Variants in CLEC6A observed in about 807,000 individuals in gnomAD.
CLEC6A encodes the protein C-type lectin domain containing 6A.
A neutral mutation model predicts 25.7 loss-of-function variants in CLEC6A; 22 were observed. The ratio of observed to expected loss-of-function variants is 0.85; its 90% CI spans 0.61 to 1.22. The LOEUF (loss-of-function observed/expected upper bound fraction) is 1.22. Among genes scored for constraint, CLEC6A ranks in the 50% most tolerant of loss-of-function variants. The pLI is 0.00. For missense variants in CLEC6A, 240 were observed against 236.8 expected (o/e 1.01, Z -0.09); for synonymous variants, 92 against 76.7 (o/e 1.20, Z -1.04).
intron 4 of CLEC6A, among the ~76,000 whole-genome samples, chr12:8,468,992 T>C (rs1443465384): frequency 6.6e-6 from 1 of 152,086 alleles, no homozygotes; most frequent in Non-Finnish European, 1.5e-5. Flanking sequence ...AATAAGGAAG[T>C]TGAACAATTG....
At chr12:8,471,128 C>T (rs1939901069) in intron 4 of CLEC6A, among the ~76,000 whole-genome samples, 1 of 151,896 alleles carries the variant, frequency 6.6e-6, no homozygotes, top group African/African-American at 2.4e-5. Flanking sequence ...TTTTTACATT[C>T]CAGAAATAAA....
intron 3 of CLEC6A, chr12:8,460,835 G>A (rs1391231379): frequency 1.0e-5 from 10 of 1,003,592 alleles, no homozygotes; most frequent in East Asian, 4.7e-5. Flanking sequence ...GGCCAAAAAC[G>A]CCCAGTTCCT....
intron 3 of CLEC6A, among the ~76,000 whole-genome samples, chr12:8,462,760 C>T (rs1591706864): frequency 6.6e-6 from 1 of 151,986 alleles, no homozygotes; most frequent in African/African-American, 2.4e-5. Flanking sequence ...TGGCGGGATC[C>T]TCCATATGCT....
At chr12:8,466,276 T>G (rs768100424) in intron 4 of CLEC6A, among the ~76,000 whole-genome samples, 5 of 152,248 alleles carry the variant, frequency 3.3e-5, no homozygotes, top group Admixed American at 6.5e-5. Flanking sequence ...ACATTTCCAT[T>G]CATTTACTTG....
chr12:8,470,703 T>G (rs939231397), intron 4 of CLEC6A, among the ~76,000 whole-genome samples: 118 of 152,148 alleles, frequency 7.8e-4, no homozygotes, highest in Non-Finnish European at 1.4e-3. Flanking sequence ...GCTATGAGGA[T>G]GCAAAGGCAT....
intron 4 of CLEC6A, among the ~76,000 whole-genome samples, chr12:8,475,344 A>ATGTG (rs59891632): frequency 1.0e-4 from 15 of 148,980 alleles, no homozygotes; most frequent in Admixed American, 6.7e-4. Context: ...ATATATATGT[A>ATGTG]TGTGTGTGTG....
intron 4 of CLEC6A, among the ~76,000 whole-genome samples, chr12:8,470,331 G>T (rs989518986): frequency 2.6e-5 from 4 of 152,116 alleles, no homozygotes; most frequent in African/African-American, 9.7e-5. Flanking sequence ...TTTACTGTTG[G>T]TGGGAATGTA....
intron 4 of CLEC6A, among the ~76,000 whole-genome samples, chr12:8,467,785 C>A (rs965380915): frequency 2.0e-5 from 3 of 152,068 alleles, no homozygotes; most frequent in African/African-American, 7.2e-5. Context: ...CTATATTAAG[C>A]CTACCAATCA....
intron 3 of CLEC6A, among the ~76,000 whole-genome samples, chr12:8,461,840 T>A (rs1051373114): frequency 1.3e-5 from 2 of 152,218 alleles, no homozygotes; most frequent in African/African-American, 4.8e-5. Context: ...TCAATCCACC[T>A]GCACTCGACC....
chr12:8,459,617 G>C lies in CLEC6A; in HGVS notation c.142G>C (p.Gly48Arg). 1 of 1,608,970 alleles carries C rather than the reference G, an allele frequency of 6.2e-7. No individual in the cohort carries two copies. Among genetic ancestry groups the C allele is most frequent in the South Asian group, 1.1e-5 (1 of 90,982 alleles). The change falls in exon 3 of 6, where the codon GGT (glycine) becomes CGT (arginine). Residue 48 changes from glycine to arginine, a missense_variant. By Grantham distance (125) the Gly-to-Arg change is moderately radical. Transcript: ENST00000382073. ...TACAGTAACTTACCATTTTACATAT[G>C]GTGAAACTGGCAAAAGGCTGTCTGA... The part of the protein sequence containing the change: ...SCVVTYHFTY[G>R]ETGKRLSELH...
At position 8,457,919 on chromosome 12, in the gene CLEC6A, T is replaced by C. The variant is rs1565481163; in HGVS notation, c.53T>C (p.Leu18Pro). 6.2e-7 allele frequency: 1 copy of C among 1,611,700 alleles called. No individual in the cohort carries two copies. The highest frequency in any genetic ancestry group is 1.7e-5 in the Admixed American group (1 of 60,020). ...QSTEKRGWLS[L>P]RLWSVAGISI... is the part of the protein sequence containing the mutation. Reference sequence around the variant, plus strand: ...ACAGAGAAAAGAGGCTGGTTGTCCCTGAGACTCTGGTCTGTGGCTGGGATT... The same window carrying C: ...ACAGAGAAAAGAGGCTGGTTGTCCCCGAGACTCTGGTCTGTGGCTGGGATT... The change falls in exon 2 of 6, where the codon CTG (leucine) becomes CCG (proline). Residue 18 changes from leucine (L) to proline (P), a missense_variant. Coordinates refer to ENST00000382073, the MANE Select transcript of CLEC6A (RefSeq NM_001007033.2).
intron 4 of CLEC6A, among the ~76,000 whole-genome samples, chr12:8,475,786 A>G (rs6487181): frequency 0.98 from 148,959 of 152,120 alleles, 73,014 homozygotes; most frequent in Middle Eastern, 1. Context: ...GCCCAGTCAG[A>G]TTGATGCATA....
chr12:8,470,678 A>G (rs927694293), intron 4 of CLEC6A, among the ~76,000 whole-genome samples: 1 of 152,158 alleles, frequency 6.6e-6, no homozygotes, highest in Non-Finnish European at 1.5e-5. Context: ...ATTCTCACTC[A>G]TAAGTGGGAG....
chr12:8,462,195 A>C (rs1279506270), intron 3 of CLEC6A, among the ~76,000 whole-genome samples: 1 of 150,902 alleles, frequency 6.6e-6, no homozygotes, highest in Non-Finnish European at 1.5e-5. Flanking sequence ...ACCACTCCCT[A>C]ATCTCAAGTA....
chr12:8,474,560 A>G (rs185660215), intron 4 of CLEC6A, among the ~76,000 whole-genome samples: 4 of 152,246 alleles, frequency 2.6e-5, no homozygotes, highest in Non-Finnish European at 5.9e-5. Flanking sequence ...AATTAATACC[A>G]GGAAAACTTT....
intron 4 of CLEC6A, among the ~76,000 whole-genome samples, chr12:8,468,128 A>C (rs751491869): frequency 6.6e-6 from 1 of 152,172 alleles, no homozygotes; most frequent in Non-Finnish European, 1.5e-5. Flanking sequence ...TTTTTAGTAG[A>C]GATAGGGTTT....
At chr12:8,468,213 G>A (rs181088258) in intron 4 of CLEC6A, among the ~76,000 whole-genome samples, 1 of 152,334 alleles carries the variant, frequency 6.6e-6, no homozygotes, top group African/African-American at 2.4e-5. Context: ...AAAGGGCTGG[G>A]ATTACAGGCG....
intron 5 of CLEC6A, 133 bp from the exon 6 acceptor site, chr12:8,477,187 A>G: frequency 1.5e-6 from 1 of 678,040 alleles, no homozygotes; most frequent in Middle Eastern, 2.6e-4. Context: ...GGAGAGTAGT[A>G]TGAGAAGAAG....
chr12:8,458,386 C>A (rs1051984650), intron 2 of CLEC6A, among the ~76,000 whole-genome samples: 2 of 152,146 alleles, frequency 1.3e-5, no homozygotes, highest in Non-Finnish European at 2.9e-5. Flanking sequence ...GATTCATGTG[C>A]AGATCCTTTC....
Sources: allele counts gnomAD v4.1 joint callset (sites outside exome capture counted in the v4.1 genomes callset), GRCh38; gene constraint gnomAD v4.1.1; transcripts MANE v1.5; gene names NCBI Gene and HGNC (gene_info 2026-07-23, HGNC 2026-07-21).